The following SYT6 variants were observed in gnomAD, a reference collection of about 807,000 sequenced individuals.
SYT6 encodes synaptotagmin-6.
Under a neutral mutation model 38.4 loss-of-function variants are expected in SYT6, and 24 were observed. That is an observed-to-expected ratio of 0.62 (90% CI 0.45 to 0.88). The LOEUF (loss-of-function observed/expected upper bound fraction) is 0.88. Among genes scored for constraint, SYT6 ranks in the 40% least tolerant of loss-of-function variants. The probability of loss-of-function intolerance (pLI) is 0.00; values close to 1 mark genes in which losing one functional copy is unlikely to be tolerated. For missense variants in SYT6, 611 were observed against 621.0 expected (o/e 0.98, Z 0.17); for synonymous variants, 265 against 241.9 (o/e 1.10, Z -0.89).
intron 3 of SYT6, among the ~76,000 whole-genome samples, chr1:114,111,763 G>C (rs1234317753): frequency 1.7e-5 from 1 of 58,124 alleles, no homozygotes; most frequent in Non-Finnish European, 4.4e-5. Flanking sequence ...ACTGCCGGGT[G>C]AGGGGCTGCA....
At chr1:114,120,026 GCA>G (rs1350633111) in intron 3 of SYT6, among the ~76,000 whole-genome samples, 1 of 147,354 alleles carries the variant, frequency 6.8e-6, no homozygotes, top group Non-Finnish European at 1.5e-5. Context: ...AGCCGAGATC[GCA>G]CCACTGCACT....
At position 114,089,599 on chromosome 1, in the gene SYT6, C is replaced by T. The variant is rs532457577; in HGVS notation, c.*2535G>A. The T allele has an allele frequency of 6.6e-6, 1 of 152,442 alleles. No individual in the cohort carries two copies. The highest frequency in any genetic ancestry group is 2.1e-4 in the South Asian group (1 of 4,822). The allele number at this position is 152,442 out of a possible 1,614,324, so 9.4% of individuals were successfully genotyped here. A position where few individuals can be genotyped will look rare whatever the true frequency, so the allele number is the denominator to read the frequency against. On this transcript the variant is annotated 3_prime_UTR_variant, in exon 8 of 8. Coordinates refer to ENST00000610222, the MANE Select transcript of SYT6 (RefSeq NM_001253772.2). ...CAGAGAAAGCCAACAAATGGATCAA[C>T]TTTGTATTTCATTTTCTTCTTCTCT...
At chr1:114,108,984 T>TA (rs932210338) in intron 3 of SYT6, among the ~76,000 whole-genome samples, 1 of 148,944 alleles carries the variant, frequency 6.7e-6, no homozygotes, top group Non-Finnish European at 1.5e-5. Context: ...GAAGTGCTGT[T>TA]AAGTTCCCCA....
rs1175913361 is a variant in SYT6, at chr1:114,113,774, T to G, written c.1072-10053A>C. On this transcript the variant is annotated intron_variant, in intron 3 of 7. Coordinates refer to ENST00000610222, the MANE Select transcript of SYT6 (RefSeq NM_001253772.2). ...TCCTATCTGCCTTCCCTGCTTCCCT[T>G]GCTCTCCCGCCCCATTCTCCACACA... Among the ~76,000 whole-genome samples the G allele has an allele frequency of 2.0e-5, 3 of 152,162 alleles. No individual in the cohort carries two copies. The East Asian group carries it at 5.8e-4, about 29-fold the overall frequency.
At chr1:114,102,540 CTGT>C (rs540013681) in intron 4 of SYT6, among the ~76,000 whole-genome samples, 7 of 152,352 alleles carry the variant, frequency 4.6e-5, no homozygotes, top group Non-Finnish European at 8.8e-5. Context: ...AGCTACTCCT[CTGT>C]TATTTCCAAA....
At chr1:114,148,257 C>A (rs909302834) in intron 1 of SYT6, among the ~76,000 whole-genome samples, 1 of 152,216 alleles carries the variant, frequency 6.6e-6, no homozygotes, top group African/African-American at 2.4e-5. Context: ...ATCAGCAATT[C>A]TTATTGCTTG....
intron 3 of SYT6, among the ~76,000 whole-genome samples, chr1:114,110,875 T>C (rs1571841812): frequency 1.3e-5 from 2 of 152,254 alleles, no homozygotes; most frequent in Middle Eastern, 3.4e-3. Flanking sequence ...CTCCAATCCA[T>C]CCTCCTTGCT....
intron 1 of SYT6, among the ~76,000 whole-genome samples, chr1:114,140,180 A>G (rs539463542): frequency 2.3e-3 from 344 of 152,222 alleles, no homozygotes; most frequent in Non-Finnish European, 3.9e-3. Context: ...GTTCACCTCA[A>G]TCTGATTCTT....
chr1:114,096,157 G>A (rs886123774), intron 6 of SYT6, among the ~76,000 whole-genome samples: 1 of 152,180 alleles, frequency 6.6e-6, no homozygotes, highest in Admixed American at 6.5e-5. Context: ...AACCAACACA[G>A]CCTTCAGTGA....
intron 3 of SYT6, among the ~76,000 whole-genome samples, chr1:114,116,581 G>A (rs546147955): frequency 3.9e-5 from 6 of 152,286 alleles, no homozygotes; most frequent in South Asian, 2.1e-4. Context: ...GGCTTCTTGG[G>A]AGAGTTGAAG....
At chr1:114,142,287 T>G (rs1678907163) in intron 1 of SYT6, among the ~76,000 whole-genome samples, 1 of 152,212 alleles carries the variant, frequency 6.6e-6, no homozygotes, top group Admixed American at 6.5e-5. Context: ...AGAAGTTGAT[T>G]CCAAACATCG....
intron 3 of SYT6, among the ~76,000 whole-genome samples, chr1:114,133,999 G>A (rs1678329843): frequency 6.6e-6 from 1 of 152,202 alleles, no homozygotes; most frequent in Non-Finnish European, 1.5e-5. Flanking sequence ...CAAGGGACCT[G>A]CCTGGTGCCA....
At chr1:114,138,937 C>G (rs1678678076) in intron 2 of SYT6, among the ~76,000 whole-genome samples, 1 of 152,200 alleles carries the variant, frequency 6.6e-6, no homozygotes, top group Non-Finnish European at 1.5e-5. Context: ...TTGTTGGTCC[C>G]CTGAGGGCCT....
intron 4 of SYT6, among the ~76,000 whole-genome samples, chr1:114,101,678 G>A (rs1256070862): frequency 1.3e-5 from 2 of 152,108 alleles, no homozygotes; most frequent in Non-Finnish European, 2.9e-5. Context: ...GTCCAACATC[G>A]AATAAGTCTG....
intron 1 of SYT6, among the ~76,000 whole-genome samples, chr1:114,143,689 G>A (rs1358885188): frequency 6.6e-6 from 1 of 151,896 alleles, no homozygotes; most frequent in Non-Finnish European, 1.5e-5. Flanking sequence ...TATCTCCAAG[G>A]TATTTGTGTA....
At chr1:114,136,883 G>A (rs1164871151) in intron 3 of SYT6, among the ~76,000 whole-genome samples, 1 of 151,510 alleles carries the variant, frequency 6.6e-6, no homozygotes, top group Non-Finnish European at 1.5e-5. Flanking sequence ...GAGTTACCGC[G>A]TGTCTTGTTC....
intron 1 of SYT6, among the ~76,000 whole-genome samples, chr1:114,140,927 C>T (rs1199196901): frequency 2.0e-5 from 3 of 152,150 alleles, no homozygotes; most frequent in East Asian, 1.9e-4. Flanking sequence ...ATATTCCTAT[C>T]GTCATTGTTT....
At chr1:114,137,150 T>G (rs1009225254) in intron 3 of SYT6, among the ~76,000 whole-genome samples, 5 of 152,254 alleles carry the variant, frequency 3.3e-5, no homozygotes, top group Admixed American at 1.3e-4. Flanking sequence ...TGCTGCAGCA[T>G]AGCCTAGTTC....
At chr1:114,093,691 G>C (rs1007606855) in intron 7 of SYT6, 44 bp downstream of exon 7, 36 of 1,578,492 alleles carry the variant, frequency 2.3e-5, no homozygotes, top group Non-Finnish European at 3.0e-5. Context: ...GAGACAAAAG[G>C]TAATAAGCAA....
Sources: gnomAD v4.1 joint callset for allele counts (sites outside exome capture counted in the v4.1 genomes callset) on GRCh38, gnomAD v4.1.1 for gene constraint, MANE v1.5 for transcripts, NCBI Gene and HGNC (gene_info 2026-07-23, HGNC 2026-07-21) for gene names.